DNAH7: variants seen among roughly 807,000 people sequenced by gnomAD.
DNAH7 encodes dynein axonemal heavy chain 7.
A neutral mutation model predicts 444.6 loss-of-function variants in DNAH7; 397 were observed. The ratio of observed to expected loss-of-function variants is 0.89; its 90% CI spans 0.82 to 0.97. The LOEUF (loss-of-function observed/expected upper bound fraction) is 0.97. Ranked by LOEUF, DNAH7 falls within the 50% of genes least tolerant of loss-of-function variation. The pLI is 0.00. For synonymous variants in DNAH7, 1,636 were observed against 1,624.4 expected (o/e 1.01, Z -0.17); for missense variants, 4,902 against 4,800.8 (o/e 1.02, Z -0.62).
intron 27 of DNAH7, among the ~76,000 whole-genome samples, 159 bp downstream of exon 27, chr2:195,906,500 A>G (rs924916182): frequency 2.9e-5 from 4 of 136,160 alleles, no homozygotes; most frequent in South Asian, 2.3e-4. Context: ...CACTATGCCC[A>G]GGCTGGTCTC....
chr2:195,987,850 G>A, intron 13 of DNAH7, 107 bp downstream of exon 13: 1 of 1,101,782 alleles, frequency 9.1e-7, no homozygotes, highest in East Asian at 2.4e-5. Context: ...TATTTTTCCT[G>A]TTGATGATAA....
chr2:195,950,868 A>AAAAAAAAAAAAAAC (rs1553575648), intron 19 of DNAH7, among the ~76,000 whole-genome samples: 20 of 138,148 alleles, frequency 1.4e-4, no homozygotes, highest in African/African-American at 3.7e-4. Context: ...AAAAAAAAAA[A>AAAAAAAAAAAAAAC]AAAAAAAAAA....
chr2:195,797,622 C>T (rs1356809935), intron 55 of DNAH7, among the ~76,000 whole-genome samples: 1 of 152,186 alleles, frequency 6.6e-6, no homozygotes, highest in Non-Finnish European at 1.5e-5. Context: ...AACACTTCCA[C>T]CATTCCCACT....
intron 49 of DNAH7, among the ~76,000 whole-genome samples, chr2:195,819,908 A>T (rs568372854): frequency 1.6e-4 from 24 of 152,326 alleles, no homozygotes; most frequent in Non-Finnish European, 2.6e-4. Context: ...ATTGGTCTAG[A>T]GTGTGGCCTG....
chr2:196,040,304 T>C (rs745916542), intron 5 of DNAH7, among the ~76,000 whole-genome samples: 15 of 152,008 alleles, frequency 9.9e-5, no homozygotes, highest in East Asian at 1.9e-4. Flanking sequence ...CTGAGGAACA[T>C]AGACACAAAA....
rs58787682 is a variant in DNAH7 at position 196,004,782 on chromosome 2, TCACACACA to T, written c.990-2932_990-2925del. 1.2e-4 allele frequency among the ~76,000 whole-genome samples: 18 copies of T among 146,198 alleles called. 1 individual carries two copies. The highest frequency in any genetic ancestry group is 2.8e-4 in the African/African-American group (11 of 39,838). On this transcript the variant is annotated intron_variant, in intron 10 of 64. Transcript: ENST00000312428. ...CTGGACAACATGGTGAGGGTCTGTCTCACACACACACACACACACACACACACTCTTAG... is the reference window on the plus strand; with the variant it reads ...CTGGACAACATGGTGAGGGTCTGTCTCACACACACACACACACACTCTTAG...
At chr2:195,841,821 A>G (rs2124994573) in intron 47 of DNAH7, among the ~76,000 whole-genome samples, 1 of 152,028 alleles carries the variant, frequency 6.6e-6, no homozygotes, top group East Asian at 1.9e-4. Flanking sequence ...CAATGTTCCA[A>G]GTTTTGACAG....
At chr2:195,963,234 T>G (rs1317205126) in intron 17 of DNAH7, among the ~76,000 whole-genome samples, 2 of 152,232 alleles carry the variant, frequency 1.3e-5, no homozygotes, top group Non-Finnish European at 2.9e-5. Flanking sequence ...CAATCAACAG[T>G]GTAAGAAAGT....
chr2:195,872,142 T>A, intron 40 of DNAH7, 108 bp downstream of exon 40: 1 of 892,404 alleles, frequency 1.1e-6, no homozygotes. Flanking sequence ...GCCAAATAAC[T>A]GAATATATTT....
intron 58 of DNAH7, among the ~76,000 whole-genome samples, chr2:195,778,761 T>C (rs1395558501): frequency 1.4e-5 from 2 of 141,542 alleles, no homozygotes; most frequent in African/African-American, 5.2e-5. Context: ...AACTCAGAGA[T>C]CAGCAGTGTT....
chr2:195,923,561 G>C (rs753320001), intron 23 of DNAH7, 34 bp downstream of exon 23: 1 of 1,590,180 alleles, frequency 6.3e-7, no homozygotes, highest in Middle Eastern at 1.7e-4. Flanking sequence ...AGCTGAAATT[G>C]CTGTGTAATA....
rs1002612884 is a variant in DNAH7, at chr2:195,873,534, C to T, written c.6413+34G>A. ...ATGTTTCTAAAATATTTTATACCTCCTAATTAAAAAAAAAACAAATTTTGA... is the reference window on the plus strand; with the variant it reads ...ATGTTTCTAAAATATTTTATACCTCTTAATTAAAAAAAAAACAAATTTTGA... On this transcript the variant is annotated intron_variant, in intron 39 of 64. Coordinates refer to ENST00000312428, the MANE Select transcript of DNAH7 (RefSeq NM_018897.3). 7.5e-6 allele frequency: 9 copies of T among 1,204,718 alleles called. No homozygotes were observed. In the African/African-American group the frequency reaches 9.5e-5, roughly 13 times the overall value. 74.6% of individuals were successfully genotyped at this position (1,204,718 alleles called of 1,614,324 possible).
chr2:195,997,023 G>A (rs1435829249), intron 12 of DNAH7, among the ~76,000 whole-genome samples: 2 of 152,092 alleles, frequency 1.3e-5, no homozygotes, highest in Non-Finnish European at 2.9e-5. Context: ...CATCTTTTTG[G>A]AAAACAGAAA....
rs768540241 is a variant in DNAH7 at position 196,065,474 on chromosome 2, C to T, written c.15+3223G>A. On this transcript the variant is annotated intron_variant, in intron 1 of 64. Coordinates refer to ENST00000312428, the MANE Select transcript of DNAH7 (RefSeq NM_018897.3). ...TAATGTCTGTGATGGTTGTGCTCTG[C>T]CTCAGATCAATTCTTTACCCTCTTC... 1.9e-3 allele frequency among the ~76,000 whole-genome samples: 287 copies of T among 152,288 alleles called. 1 individual carries two copies. Among genetic ancestry groups the T allele is most frequent in the Non-Finnish European group, 3.5e-3 (235 of 68,026 alleles).
intron 19 of DNAH7, among the ~76,000 whole-genome samples, chr2:195,938,248 A>T (rs1689183641): frequency 6.6e-6 from 1 of 151,976 alleles, no homozygotes; most frequent in African/African-American, 2.4e-5. Context: ...TGAATATATA[A>T]ATCATATAAT....
intron 17 of DNAH7, among the ~76,000 whole-genome samples, chr2:195,967,829 G>A (rs190991325): frequency 7.9e-5 from 12 of 152,180 alleles, no homozygotes; most frequent in African/African-American, 2.7e-4. Flanking sequence ...GTCTTCTTTG[G>A]GTTAAATTTG....
Position 196,044,481 on chromosome 2 carries a change from T to C in DNAH7, c.398+2871A>G, listed in dbSNP as rs572719845. 1.5e-4 allele frequency among the ~76,000 whole-genome samples: 23 copies of C among 152,024 alleles called. 1 individual carries two copies. In the South Asian group the frequency reaches 3.5e-3, roughly 23 times the overall value. ...GGGGTGAGGGATAAAAGACTACACA[T>C]TGGGTACAGTGTACACTGTTTAGAT... On this transcript the variant is annotated intron_variant, in intron 5 of 64. Transcript: ENST00000312428.
At chr2:195,809,016 G>T in intron 52 of DNAH7, 140 bp from the exon 53 acceptor site, 1 of 677,112 alleles carries the variant, frequency 1.5e-6, no homozygotes, top group Non-Finnish European at 2.4e-6. Context: ...TAGTGTTATA[G>T]CTCAATATTT....
At chr2:196,067,461 CTTTTTGTT>C (rs1698489735) in intron 1 of DNAH7, among the ~76,000 whole-genome samples, 1 of 47,458 alleles carries the variant, frequency 2.1e-5, no homozygotes, top group South Asian at 1.9e-3. Flanking sequence ...TGTATCTGAA[CTTTTTGTT>C]TTTTGCTTGT....
Sources: allele counts gnomAD v4.1 joint callset (sites outside exome capture counted in the v4.1 genomes callset), GRCh38; gene constraint gnomAD v4.1.1; transcripts MANE v1.5; gene names NCBI Gene and HGNC (gene_info 2026-07-23, HGNC 2026-07-21).